Variants in ODAD2 observed in about 807,000 individuals in gnomAD.
The protein encoded by ODAD2 is outer dynein arm docking complex subunit 2, also known as outer dynein arm-docking complex subunit 2.
In ODAD2, 89 loss-of-function variants were observed where a neutral mutation model predicts 106.8. The ratio of observed to expected loss-of-function variants is 0.83; its 90% confidence interval spans 0.70 to 0.99. The LOEUF (loss-of-function observed/expected upper bound fraction) is 0.99. Among genes scored for constraint, ODAD2 ranks in the 50% least tolerant of loss-of-function variants. ODAD2 has a pLI of 0.00. For missense variants in ODAD2, 1,168 were observed against 1,238.5 expected, an observed-to-expected ratio of 0.94 and a Z score of 0.85; for synonymous variants, 404 against 436.2, an observed-to-expected ratio of 0.93 and a Z score of 0.92.
chr10:27,983,536 C>T (rs1849686996), intron 6 of ODAD2, among the ~76,000 whole-genome samples: 1 of 152,102 alleles, frequency 6.6e-6, no homozygotes, highest in Non-Finnish European at 1.5e-5. Flanking sequence ...CTTTTTTGAC[C>T]TTTCTATCAT....
At chr10:27,861,569 C>T (rs1840041261) in intron 18 of ODAD2, among the ~76,000 whole-genome samples, 1 of 152,164 alleles carries the variant, frequency 6.6e-6, no homozygotes, top group South Asian at 2.1e-4. Context: ...TTTCTCCACC[C>T]TAGGAATACA....
intron 7 of ODAD2, among the ~76,000 whole-genome samples, chr10:27,981,020 A>C (rs1183092717): frequency 1.3e-5 from 2 of 152,216 alleles, no homozygotes; most frequent in Middle Eastern, 3.2e-3. Flanking sequence ...GATACATGCT[A>C]TAGCATGGAT....
intron 17 of ODAD2, among the ~76,000 whole-genome samples, chr10:27,884,555 T>C (rs1841947691): frequency 6.6e-6 from 1 of 152,112 alleles, no homozygotes; most frequent in Non-Finnish European, 1.5e-5. Context: ...GTGGGCTACT[T>C]GAGGGACTGG....
chr10:27,961,168 A>T (rs537541854), intron 10 of ODAD2, among the ~76,000 whole-genome samples: 1 of 152,318 alleles, frequency 6.6e-6, no homozygotes, highest in East Asian at 1.9e-4. Flanking sequence ...ATGGGTTGAG[A>T]AAATTAGGGC....
intron 1 of ODAD2, among the ~76,000 whole-genome samples, chr10:27,998,726 G>T (rs1327417742): frequency 1.3e-5 from 2 of 152,114 alleles, no homozygotes; most frequent in Non-Finnish European, 2.9e-5. Flanking sequence ...CCAGAGAGCC[G>T]CCTCTGTTTC....
At position 27,993,959 on chromosome 10, in the gene ODAD2, A is replaced by AATATATATATAT. The variant is rs33977457; in HGVS notation, c.224+948_224+959dup. 3.9e-3 allele frequency among the ~76,000 whole-genome samples: 506 copies of AATATATATATAT among 129,582 alleles called. 1 individual carries two copies. Among genetic ancestry groups the AATATATATATAT allele is most frequent in the African/African-American group, 0.013 (466 of 35,056 alleles). The allele number at this position is 129,582 out of a possible 152,430, so 85.0% of individuals were successfully genotyped here. ...GGTGCAAAATAAACTGAGGCTGGCA[A>AATATATATATAT]ATATATATATATATATGTGTGTGTG... On this transcript the variant is annotated intron_variant, in intron 2 of 19. Coordinates refer to ENST00000305242, the MANE Select transcript of ODAD2 (RefSeq NM_018076.5).
At chr10:27,959,264 G>A (rs1240866653) in intron 10 of ODAD2, among the ~76,000 whole-genome samples, 8 of 149,438 alleles carry the variant, frequency 5.4e-5, no homozygotes, top group African/African-American at 2.0e-4. Flanking sequence ...AGGAAAGAAA[G>A]AAAGGAAAGG....
At chr10:27,861,148 C>A (rs887894678) in intron 18 of ODAD2, among the ~76,000 whole-genome samples, 1 of 152,150 alleles carries the variant, frequency 6.6e-6, no homozygotes, top group Non-Finnish European at 1.5e-5. Context: ...CCCGCCACCA[C>A]ACCTGGCTAA....
chr10:27,861,315 T>G (rs1352234527), intron 18 of ODAD2, among the ~76,000 whole-genome samples: 1 of 152,122 alleles, frequency 6.6e-6, no homozygotes, highest in African/African-American at 2.4e-5. Flanking sequence ...TTTTGGTGGG[T>G]CACCAACAGA....
intron 17 of ODAD2, among the ~76,000 whole-genome samples, chr10:27,890,359 A>ATAATTTAATAGATGAAGTTAT (rs1341923395): frequency 2.4e-4 from 37 of 152,334 alleles, no homozygotes; most frequent in African/African-American, 8.7e-4. Context: ...ATATAATGAC[A>ATAATTTAATAGATGAAGTTAT]TAATTTAATA....
At chr10:27,924,058 G>C (rs1845058715) in intron 16 of ODAD2, among the ~76,000 whole-genome samples, 1 of 151,422 alleles carries the variant, frequency 6.6e-6, no homozygotes, top group South Asian at 2.1e-4. Flanking sequence ...GAGAAAGAAA[G>C]AAAGAAAGAA....
chr10:27,997,827 T>C (rs1382603450), intron 1 of ODAD2, among the ~76,000 whole-genome samples: 1 of 152,206 alleles, frequency 6.6e-6, no homozygotes, highest in Non-Finnish European at 1.5e-5. Context: ...TGCCAAGCTC[T>C]TTTGGCTTAA....
intron 19 of ODAD2, among the ~76,000 whole-genome samples, chr10:27,840,420 A>C (rs536840387): frequency 6.6e-6 from 1 of 152,212 alleles, no homozygotes; most frequent in African/African-American, 2.4e-5. Context: ...TTCCCAGCAC[A>C]TCATGAACGC....
intron 14 of ODAD2, 136 bp downstream of exon 14, chr10:27,939,761 A>T (rs1239065030): frequency 8.3e-6 from 4 of 480,398 alleles, no homozygotes; most frequent in Non-Finnish European, 1.1e-5. Flanking sequence ...ATAAATTAAA[A>T]CTTAAAAAAA....
chr10:27,882,561 T>G (rs2133583433), intron 17 of ODAD2, among the ~76,000 whole-genome samples: 1 of 152,260 alleles, frequency 6.6e-6, no homozygotes, highest in East Asian at 1.9e-4. Context: ...ACTCTCAAAT[T>G]TAATAAAAGG....
intron 16 of ODAD2, among the ~76,000 whole-genome samples, chr10:27,924,002 GAAAGAAAGAAA>G (rs1564509138): frequency 3.0e-5 from 4 of 135,194 alleles, no homozygotes; most frequent in Non-Finnish European, 6.4e-5. Flanking sequence ...AAGAAAGAAA[GAAAGAAAGAAA>G]GAAAGAAAGA....
chr10:27,881,808 AT>A (rs1206848346), intron 17 of ODAD2, among the ~76,000 whole-genome samples: 20 of 152,206 alleles, frequency 1.3e-4, no homozygotes, highest in African/African-American at 4.6e-4. Context: ...TCAAAGATAA[AT>A]AAAACCTTGA....
At chr10:27,984,400 C>T (rs1205921336) in intron 4 of ODAD2, 110 bp from the exon 5 acceptor site, 4 of 756,862 alleles carry the variant, frequency 5.3e-6, no homozygotes, top group Non-Finnish European at 6.4e-6. Context: ...ATTAAAATTG[C>T]AGTTAATTTT....
intron 2 of ODAD2, among the ~76,000 whole-genome samples, chr10:27,991,125 T>G (rs1194490632): frequency 6.6e-6 from 1 of 152,210 alleles, no homozygotes; most frequent in Non-Finnish European, 1.5e-5. Flanking sequence ...ACAGCAAATT[T>G]AAGTTTCATT....
Sources: allele counts gnomAD v4.1 joint callset (sites outside exome capture counted in the v4.1 genomes callset), GRCh38; gene constraint gnomAD v4.1.1; transcripts MANE v1.5; gene names NCBI Gene and HGNC (gene_info 2026-07-23, HGNC 2026-07-21).